Variants in SLC6A15 observed in about 807,000 individuals in gnomAD.
SLC6A15 encodes solute carrier family 6 member 15.
A neutral mutation model predicts 68.5 loss-of-function variants in SLC6A15; 33 were observed. That is an observed-to-expected ratio of 0.48 (90% CI 0.37 to 0.64). The LOEUF is 0.64. Ranked by LOEUF, SLC6A15 falls within the 30% of genes least tolerant of loss-of-function variation. SLC6A15 has a pLI of 0.00. For missense variants in SLC6A15, 747 were observed against 874.3 expected (o/e 0.85, Z 1.84); for synonymous variants, 347 against 301.0 (o/e 1.15, Z -1.58).
At chr12:84,882,723 C>T (rs534016372) in intron 5 of SLC6A15, 137 of 165,154 alleles carry the variant, frequency 8.3e-4, no homozygotes, top group African/African-American at 3.5e-3. Context: ...TTCCTCAAAC[C>T]TGTTTATTTT....
intron 4 of SLC6A15, 54 bp from the exon 5 acceptor site, chr12:84,884,094 C>A: frequency 1.4e-6 from 2 of 1,460,482 alleles, no homozygotes; most frequent in Non-Finnish European, 9.5e-7. Flanking sequence ...AGCAATGCGA[C>A]AATTTCTTTT....
At chr12:84,894,434 G>T (rs1367932377) in intron 1 of SLC6A15, among the ~76,000 whole-genome samples, 1 of 151,998 alleles carries the variant, frequency 6.6e-6, no homozygotes, top group African/African-American at 2.4e-5. Flanking sequence ...CTTAACCTCA[G>T]TTCCCACAAT....
intron 5 of SLC6A15, chr12:84,882,609 T>G (rs1871872119): frequency 3.1e-6 from 1 of 323,972 alleles, no homozygotes. Context: ...TGAGACATTA[T>G]AGTGTTGCAG....
chr12:84,901,013 TAC>T (rs1425404657), intron 1 of SLC6A15, among the ~76,000 whole-genome samples: 2 of 146,806 alleles, frequency 1.4e-5, no homozygotes, highest in Non-Finnish European at 3.0e-5. Context: ...TATATATACA[TAC>T]ATATATACAT....
At chr12:84,902,854 T>C (rs1872949722) in intron 1 of SLC6A15, among the ~76,000 whole-genome samples, 1 of 152,036 alleles carries the variant, frequency 6.6e-6, no homozygotes. Flanking sequence ...ATGGAGAGGG[T>C]AAATGGGTGT....
chr12:84,882,193 C>T (rs1239999644), intron 5 of SLC6A15: 3 of 985,212 alleles, frequency 3.0e-6, no homozygotes, highest in Non-Finnish European at 3.6e-6. Context: ...CTCTGGATGA[C>T]CACAGTTGGT....
At chr12:84,883,594 T>G in intron 5 of SLC6A15, 1 of 1,398,056 alleles carries the variant, frequency 7.2e-7, no homozygotes, top group Non-Finnish European at 9.3e-7. Flanking sequence ...AGAAAGGACT[T>G]TTAAGTATTC....
intron 1 of SLC6A15, among the ~76,000 whole-genome samples, chr12:84,895,388 C>T (rs1414399225): frequency 2.8e-5 from 3 of 106,916 alleles, no homozygotes; most frequent in East Asian, 5.7e-4. Flanking sequence ...CTCACTCTGT[C>T]CCCCAGGCTG....
rs1870820337 is a variant in SLC6A15 at position 84,860,994 on chromosome 12, C to T, written c.*638G>A. On this transcript the variant is annotated 3_prime_UTR_variant, in exon 12 of 12. Transcript: ENST00000266682. ...ATATATTTTACACAAAATATACAGC[C>T]ATCACTCACATGATTCTCAGTCACC... 1 of 152,080 alleles carries T rather than the reference C, an allele frequency of 6.6e-6. No individual in the cohort carries two copies. Among genetic ancestry groups the T allele is most frequent in the African/African-American group, 2.4e-5 (1 of 41,440 alleles). 9.4% of individuals were successfully genotyped at this position (152,080 alleles called of 1,614,324 possible).
At position 84,876,559 on chromosome 12, in the gene SLC6A15, G is replaced by A. The variant is rs1448196387; in HGVS notation, c.805C>T (p.Leu269Phe). The change falls in exon 6 of 12, where the codon CTC (leucine) becomes TTC (phenylalanine). Residue 269 changes from leucine (L) to phenylalanine (F), a missense_variant. Physicochemically the swap from Leu to Phe is conservative, Grantham distance 22 (BLOSUM62 0). Transcript: ENST00000266682. The part of the protein sequence containing the change: ...LFPYVVLICF[L>F]IRAFLLNGSI... ...CCATTTAAAAGGAATGCTCTGATGAGGAAGCAAATAAGTACCACATATGGA... is the reference window on the plus strand; with the variant it reads ...CCATTTAAAAGGAATGCTCTGATGAAGAAGCAAATAAGTACCACATATGGA... 4 of 1,596,148 alleles carry A rather than the reference G, an allele frequency of 2.5e-6. No individual in the cohort carries two copies. The highest frequency in any genetic ancestry group is 3.5e-5 in the Admixed American group (2 of 57,192).
chr12:84,911,255 A>C (rs558932083), intron 1 of SLC6A15, among the ~76,000 whole-genome samples: 2 of 152,332 alleles, frequency 1.3e-5, no homozygotes, highest in South Asian at 4.1e-4. Flanking sequence ...GGAGCCCCAA[A>C]GCAGCATATA....
intron 5 of SLC6A15, chr12:84,881,949 A>G: frequency 1.0e-6 from 1 of 984,940 alleles, no homozygotes; most frequent in Non-Finnish European, 1.2e-6. Flanking sequence ...AATATTGCCC[A>G]AATACTAGTC....
chr12:84,873,094 T>C lies in SLC6A15; in HGVS notation c.1102A>G (p.Ile368Val), dbSNP rs374482041. 2 of 1,613,980 alleles carry C rather than the reference T, an allele frequency of 1.2e-6. No individual in the cohort carries two copies. Among genetic ancestry groups the C allele is most frequent in the African/African-American group, 1.3e-5 (1 of 74,936 alleles). The change falls in exon 7 of 12, where the codon ATT (isoleucine) becomes GTT (valine). Residue 368 changes from isoleucine to valine, a missense_variant. Transcript: ENST00000266682. ...FKANVINEKC[I>V]TQNSETIMKF... Reference sequence around the variant, plus strand: ...GGAAATTAATATTCATACTGTGTAATGCATTTCTCATTTATGACATTTGCT... The same window carrying C: ...GGAAATTAATATTCATACTGTGTAACGCATTTCTCATTTATGACATTTGCT...
chr12:84,864,583 G>C (rs1459430786), intron 10 of SLC6A15, among the ~76,000 whole-genome samples: 3 of 152,010 alleles, frequency 2.0e-5, no homozygotes, highest in African/African-American at 7.3e-5. Flanking sequence ...ACCTCCCAAA[G>C]TGTTGGGATT....
chr12:84,883,680 T>A, intron 5 of SLC6A15, 179 bp downstream of exon 5: 1 of 1,525,918 alleles, frequency 6.6e-7, no homozygotes, highest in Non-Finnish European at 8.8e-7. Context: ...AACACTGTTT[T>A]TATTTGTCTT....
intron 1 of SLC6A15, among the ~76,000 whole-genome samples, chr12:84,908,503 G>A (rs867925034): frequency 2.1e-4 from 32 of 150,660 alleles, no homozygotes; most frequent in African/African-American, 7.6e-4. Flanking sequence ...TACCAAAGGT[G>A]TTTATTTGCC....
intron 10 of SLC6A15, among the ~76,000 whole-genome samples, chr12:84,866,428 AT>A (rs1358234471): frequency 6.6e-6 from 1 of 152,186 alleles, no homozygotes; most frequent in Non-Finnish European, 1.5e-5. Flanking sequence ...CGTATAGTGA[AT>A]TTAAGTAATG....
rs773155793 is a variant in SLC6A15, at chr12:84,885,900, A to T, written c.447+11T>A. 6.3e-7 allele frequency: 1 copy of T among 1,597,010 alleles called. No homozygotes were observed. Among genetic ancestry groups the T allele is most frequent in the Non-Finnish European group, 8.5e-7 (1 of 1,173,938 alleles). On this transcript the variant is annotated intron_variant, in intron 3 of 11. Transcript: ENST00000266682. ...AAAGATTACAGCATACACCAACAAA[A>T]GGAAACTTACTACACAACTTGCAAA...
chr12:84,870,349 TAATA>T (rs1164696438), intron 9 of SLC6A15, 125 bp downstream of exon 9: 9 of 404,370 alleles, frequency 2.2e-5, no homozygotes, highest in Non-Finnish European at 3.4e-5. Flanking sequence ...ATGTATACAA[TAATA>T]AATAGTGATA....
Sources: gnomAD v4.1 joint callset for allele counts (sites outside exome capture counted in the v4.1 genomes callset) on GRCh38, gnomAD v4.1.1 for gene constraint, MANE v1.5 for transcripts, NCBI Gene and HGNC (gene_info 2026-07-23, HGNC 2026-07-21) for gene names.